Variants in MYO18B observed in about 807,000 individuals in gnomAD.
MYO18B encodes the protein myosin XVIIIB.
MYO18B carries 204 observed loss-of-function variants against 273.0 expected under a neutral mutation model. The observed-to-expected ratio is 0.75, with a 90% CI of 0.67 to 0.84. The LOEUF is 0.84. Among genes scored for constraint, MYO18B ranks in the 40% least tolerant of loss-of-function variants. The pLI, the probability that MYO18B is intolerant of heterozygous loss-of-function variation, is 0.00. For synonymous variants in MYO18B, 1,330 were observed against 1,305.7 expected, an observed-to-expected ratio of 1.02 and a Z score of -0.40; for missense variants, 3,212 against 3,287.6, an observed-to-expected ratio of 0.98 and a Z score of 0.56.
intron 17 of MYO18B, among the ~76,000 whole-genome samples, chr22:25,836,061 A>T (rs2089889197): frequency 6.6e-6 from 1 of 152,176 alleles, no homozygotes; most frequent in Admixed American, 6.5e-5. Flanking sequence ...CAGGAGGTAG[A>T]AACCTCTGGA....
rs142352308 is a variant in MYO18B at position 25,981,065 on chromosome 22, A to ATC, written c.6157-11294_6157-11293dup. Among the ~76,000 whole-genome samples, 171 of 152,254 alleles carry ATC rather than the reference A, an allele frequency of 1.1e-3. 3 individuals carry two copies. The East Asian group carries it at 0.029, about 26-fold the overall frequency. ...CTCACATTCTCTTCCCTCTGAGTGT[A>ATC]TCTCTGTGTCCAAGTTTCCCCTCCT... On this transcript the variant is annotated intron_variant, in intron 39 of 43. Coordinates refer to ENST00000335473, the MANE Select transcript of MYO18B (RefSeq NM_032608.7).
chr22:25,839,324 G>A (rs911229289), intron 17 of MYO18B, among the ~76,000 whole-genome samples: 2 of 152,130 alleles, frequency 1.3e-5, no homozygotes, highest in Non-Finnish European at 2.9e-5. Context: ...GAAAGCAAAC[G>A]TGCCTAGGGC....
At chr22:25,934,519 C>T (rs983158737) in intron 34 of MYO18B, among the ~76,000 whole-genome samples, 1 of 152,048 alleles carries the variant, frequency 6.6e-6, no homozygotes, top group Non-Finnish European at 1.5e-5. Context: ...AGGTTGAGGA[C>T]GTGCGCCTGT....
intron 34 of MYO18B, among the ~76,000 whole-genome samples, chr22:25,925,226 C>T (rs991465465): frequency 1.3e-5 from 2 of 151,740 alleles, no homozygotes; most frequent in African/African-American, 4.8e-5. Flanking sequence ...TGGATTCTGC[C>T]CCCTCCCCCA....
intron 7 of MYO18B, among the ~76,000 whole-genome samples, chr22:25,774,535 T>G (rs1186241440): frequency 6.6e-6 from 1 of 152,252 alleles, no homozygotes; most frequent in Non-Finnish European, 1.5e-5. Context: ...TGGTACGCAC[T>G]CTGAAGGTAG....
intron 11 of MYO18B, among the ~76,000 whole-genome samples, chr22:25,787,272 GCACACACACACACACACACA>G (rs10598069): frequency 4.4e-5 from 6 of 136,696 alleles, no homozygotes; most frequent in Non-Finnish European, 9.8e-5. Flanking sequence ...GCAGGCGCGC[GCACACACACACACACACACA>G]CACACACACA....
chr22:26,004,848 AGC>A lies in MYO18B; in HGVS notation c.6464_6465del (p.Ser2155ThrfsTer11), dbSNP rs775458610. The A allele has an allele frequency of 6.2e-7, 1 of 1,613,510 alleles. No homozygotes were observed. Among genetic ancestry groups the A allele is most frequent in the South Asian group, 1.1e-5 (1 of 90,986 alleles). On this transcript the variant is annotated frameshift_variant, in exon 42 of 44. Coordinates refer to ENST00000335473, the MANE Select transcript of MYO18B (RefSeq NM_032608.7). LOFTEE classifies it high-confidence loss of function. ...GTCAGCCACCAGCAGCCGCATCCTC[AGC>A]CCCAGGTAAGAGTATCTCCTTGCTG... Reference protein sequence around the residue: ...RQSATSSRILSPRINEEAGDT... With the variant: ...RQSATSSRILXPRINEEAGDT...
Position 25,828,853 on chromosome 22 carries a change from A to G in MYO18B, c.2864A>G (p.Gln955Arg). ...CCAGGCTTCCAGAACCCCCGGCACC[A>G]GGGCAAGGACCGGGCGGCCACCTTT... ...DSPGFQNPRH[Q>R]GKDRAATFEE... Residue 955 changes from glutamine to arginine, a missense_variant, in exon 15 of 44, where the codon CAG becomes CGG. Coordinates refer to ENST00000335473, the MANE Select transcript of MYO18B (RefSeq NM_032608.7). 1 of 1,613,988 alleles carries G rather than the reference A, an allele frequency of 6.2e-7. No homozygotes were observed. Among genetic ancestry groups the G allele is most frequent in the African/African-American group, 1.3e-5 (1 of 75,058 alleles).
rs149101942 is a variant in MYO18B, at chr22:25,962,337, G to T, written c.6156+6973G>T. The stretch of plus-strand genomic sequence containing the variant: ...CGATGTTCTTGTCTTCCTAGAGAGA[G>T]AAACCCTGAGAGAAGACTTTACTTG... On this transcript the variant is annotated intron_variant, in intron 39 of 43. Transcript: ENST00000335473. 1.7e-3 allele frequency among the ~76,000 whole-genome samples: 256 copies of T among 152,302 alleles called. 1 individual carries two copies. Among genetic ancestry groups the T allele is most frequent in the African/African-American group, 5.8e-3 (242 of 41,566 alleles).
At chr22:25,781,932 GC>G (rs1341978980) in intron 10 of MYO18B, 98 bp downstream of exon 10, 2 of 772,210 alleles carry the variant, frequency 2.6e-6, no homozygotes, top group Admixed American at 3.9e-5. Flanking sequence ...GCACTGAGAG[GC>G]CGTGGGACCC....
At chr22:25,753,602 C>T (rs1211843449) in intron 1 of MYO18B, among the ~76,000 whole-genome samples, 1 of 152,194 alleles carries the variant, frequency 6.6e-6, no homozygotes, top group African/African-American at 2.4e-5. Context: ...GTTGGGTCTA[C>T]GCTGCGTGTG....
At chr22:26,053,619 A>G in the MYO18B span, among the ~76,000 whole-genome samples, 3 of 152,318 alleles carry the variant, frequency 2.0e-5, no homozygotes, top group African/African-American at 7.2e-5. Context: ...AAATTTTCCT[A>G]GAGAGCTAGG....
At chr22:25,991,825 G>C (rs1435054871) in intron 39 of MYO18B, among the ~76,000 whole-genome samples, 6 of 152,196 alleles carry the variant, frequency 3.9e-5, no homozygotes, top group Non-Finnish European at 7.3e-5. Context: ...CATCGCGCTT[G>C]CCTGTTCTGG....
At chr22:26,018,562 A>G (rs1935561643) in intron 42 of MYO18B, among the ~76,000 whole-genome samples, 1 of 152,286 alleles carries the variant, frequency 6.6e-6, no homozygotes, top group South Asian at 2.1e-4. Flanking sequence ...CAATAGGAGG[A>G]ATCTTCTGCT....
rs574125071 is a variant in MYO18B at position 25,822,633 on chromosome 22, G to A, written c.2522-872G>A. On this transcript the variant is annotated intron_variant, in intron 12 of 43. Transcript: ENST00000335473. ...TGGATGTGTGATTGTGTAGCAGGACGAGTCACAGACAAAACTCCTCAGACA... is the reference window on the plus strand; with the variant it reads ...TGGATGTGTGATTGTGTAGCAGGACAAGTCACAGACAAAACTCCTCAGACA... Among the ~76,000 whole-genome samples the A allele has an allele frequency of 3.3e-5, 5 of 152,274 alleles. No homozygotes were observed. The South Asian group carries it at 1.0e-3, about 32-fold the overall frequency.
At chr22:25,817,081 C>T (rs1375204498) in intron 12 of MYO18B, among the ~76,000 whole-genome samples, 2 of 152,172 alleles carry the variant, frequency 1.3e-5, no homozygotes, top group South Asian at 2.1e-4. Flanking sequence ...TTATTTCTCT[C>T]TCTCGCTCTC....
rs920642482 is a variant in MYO18B at position 25,923,354 on chromosome 22, G to T, written c.5517+1945G>T. Among the ~76,000 whole-genome samples, 4 of 152,206 alleles carry T rather than the reference G, an allele frequency of 2.6e-5. No homozygotes were observed. The East Asian group carries it at 5.8e-4, about 22-fold the overall frequency. On this transcript the variant is annotated intron_variant, in intron 34 of 43. Transcript: ENST00000335473. ...TCCTGGGTCCTGGGCAAGCCAGGAT[G>T]GCTGGTCATTCTATCCTCTTCATGG...
chr22:25,925,172 TG>T (rs1266967728), intron 34 of MYO18B, among the ~76,000 whole-genome samples: 2 of 152,168 alleles, frequency 1.3e-5, no homozygotes, highest in Non-Finnish European at 2.9e-5. Context: ...CAAATTTGGC[TG>T]CACATCAGAG....
intron 39 of MYO18B, among the ~76,000 whole-genome samples, chr22:25,966,564 G>T (rs1003165611): frequency 2.6e-5 from 4 of 152,080 alleles, no homozygotes; most frequent in Non-Finnish European, 4.4e-5. Context: ...CCTAATTACT[G>T]CCCCGTTATC....
Sources: gnomAD v4.1 joint callset for allele counts (sites outside exome capture counted in the v4.1 genomes callset) on GRCh38, gnomAD v4.1.1 for gene constraint, MANE v1.5 for transcripts, NCBI Gene and HGNC (gene_info 2026-07-23, HGNC 2026-07-21) for gene names.